Variants in GABRG3 observed in about 807,000 individuals in gnomAD.
GABRG3 encodes gamma-aminobutyric acid type A receptor subunit gamma3, also known as gamma-aminobutyric acid receptor subunit gamma-3.
In GABRG3, 25 loss-of-function variants were observed where a neutral mutation model predicts 48.8. The ratio of observed to expected loss-of-function variants is 0.51; its 90% CI spans 0.37 to 0.72. GABRG3 has a LOEUF of 0.72. Among genes scored for constraint, GABRG3 ranks in the 30% least tolerant of loss-of-function variants. The pLI is 0.00. For missense variants in GABRG3, 394 were observed against 577.9 expected, an observed-to-expected ratio of 0.68 and a Z score of 3.26; for synonymous variants, 227 against 217.6, an observed-to-expected ratio of 1.04 and a Z score of -0.38.
chr15:27,119,810 C>T (rs1005764796), intron 3 of GABRG3, among the ~76,000 whole-genome samples: 1 of 152,228 alleles, frequency 6.6e-6, no homozygotes, highest in African/African-American at 2.4e-5. Context: ...TCCAAGAAGC[C>T]ATCTCCATTT....
At chr15:27,231,283 T>C (rs1889790849) in intron 3 of GABRG3, among the ~76,000 whole-genome samples, 1 of 152,232 alleles carries the variant, frequency 6.6e-6, no homozygotes, top group East Asian at 1.9e-4. Context: ...GTTCTATATG[T>C]TCAGTGCCAT....
intron 5 of GABRG3, among the ~76,000 whole-genome samples, chr15:27,346,354 G>C (rs1381246643): frequency 2.6e-5 from 4 of 152,086 alleles, no homozygotes; most frequent in African/African-American, 9.7e-5. Flanking sequence ...TTCCAAAATT[G>C]ACTGTTTTGG....
At chr15:27,411,469 A>T (rs374334547) in intron 5 of GABRG3, among the ~76,000 whole-genome samples, 1 of 152,154 alleles carries the variant, frequency 6.6e-6, no homozygotes, top group Non-Finnish European at 1.5e-5. Context: ...TAAAATATTT[A>T]ATACCCCATA....
chr15:27,498,964 CTG>C (rs948557116), intron 6 of GABRG3, among the ~76,000 whole-genome samples: 1 of 152,186 alleles, frequency 6.6e-6, no homozygotes, highest in Non-Finnish European at 1.5e-5. Flanking sequence ...ATCACCTTTT[CTG>C]TGATGTGGCT....
intron 3 of GABRG3, among the ~76,000 whole-genome samples, chr15:27,318,102 C>G (rs1343886515): frequency 6.6e-6 from 1 of 152,168 alleles, no homozygotes; most frequent in East Asian, 1.9e-4. Context: ...AGTAAACCAG[C>G]CCCATTCTAA....
At chr15:27,380,195 T>C (rs2140563298) in intron 5 of GABRG3, among the ~76,000 whole-genome samples, 1 of 152,318 alleles carries the variant, frequency 6.6e-6, no homozygotes, top group Middle Eastern at 3.4e-3. Flanking sequence ...TTTTCCATTT[T>C]TGATGCAGTA....
intron 3 of GABRG3, among the ~76,000 whole-genome samples, chr15:27,231,209 T>C (rs1274606545): frequency 2.0e-5 from 3 of 152,324 alleles, no homozygotes; most frequent in East Asian, 3.9e-4. Flanking sequence ...CAAGAACTTA[T>C]AAAGTTGCCT....
At chr15:27,387,131 A>T (rs571929367) in intron 5 of GABRG3, among the ~76,000 whole-genome samples, 1 of 152,094 alleles carries the variant, frequency 6.6e-6, no homozygotes, top group Non-Finnish European at 1.5e-5. Context: ...TGACTGTACA[A>T]TATATTAACT....
chr15:27,344,026 T>C (rs1216078946), intron 5 of GABRG3, among the ~76,000 whole-genome samples: 5 of 152,218 alleles, frequency 3.3e-5, no homozygotes, highest in African/African-American at 1.2e-4. Flanking sequence ...GCAGAGACTA[T>C]GGCTTTGAGG....
At chr15:27,003,996 C>T (rs1411893825) in intron 2 of GABRG3, among the ~76,000 whole-genome samples, 2 of 149,082 alleles carry the variant, frequency 1.3e-5, no homozygotes, top group African/African-American at 4.9e-5. Context: ...CCCCCACCTC[C>T]CTCCCGGACG....
At chr15:27,472,195 T>C (rs919822624) in intron 5 of GABRG3, among the ~76,000 whole-genome samples, 2 of 152,198 alleles carry the variant, frequency 1.3e-5, no homozygotes, top group African/African-American at 4.8e-5. Flanking sequence ...GGGTATTTTA[T>C]GATAATTTAG....
At chr15:27,243,852 GT>G (rs1200874855) in intron 3 of GABRG3, among the ~76,000 whole-genome samples, 1 of 152,154 alleles carries the variant, frequency 6.6e-6, no homozygotes, top group Non-Finnish European at 1.5e-5. Context: ...GTAAATGGAA[GT>G]TTTTTTCAAC....
intron 5 of GABRG3, among the ~76,000 whole-genome samples, chr15:27,353,423 T>TATTTATTTA (rs1275876666): frequency 2.7e-5 from 4 of 148,624 alleles, no homozygotes; most frequent in African/African-American, 7.7e-5. Flanking sequence ...GTTTTCTTTC[T>TATTTATTTA]TTCTATTTAT....
chr15:27,435,791 T>C (rs1888592516), intron 5 of GABRG3, among the ~76,000 whole-genome samples: 1 of 152,180 alleles, frequency 6.6e-6, no homozygotes, highest in Non-Finnish European at 1.5e-5. Flanking sequence ...CTATGTCCAT[T>C]AGCCATTCTT....
At chr15:27,150,386 T>C (rs1264187802) in intron 3 of GABRG3, among the ~76,000 whole-genome samples, 4 of 152,196 alleles carry the variant, frequency 2.6e-5, no homozygotes, top group African/African-American at 4.8e-5. Flanking sequence ...AAAATGCATG[T>C]ATACTATAAA....
chr15:27,449,747 T>C, intron 5 of GABRG3, among the ~76,000 whole-genome samples: 1 of 152,214 alleles, frequency 6.6e-6, no homozygotes, highest in Admixed American at 6.5e-5. Context: ...AGGCTGACTC[T>C]AAAAATATTA....
In GABRG3 at chr15:27,236,944, G is replaced by A. The variant is rs754681399; in HGVS notation, c.271-89865G>A. ...ACCCCTCCCTTGGAGGACTTGCTCT[G>A]GGCTTGTGCTGGAGGTTATGCTTCC... On this transcript the variant is annotated intron_variant, in intron 3 of 9. Coordinates refer to ENST00000615808, the MANE Select transcript of GABRG3 (RefSeq NM_033223.5). The surrounding 1 kb of genome is among the most constrained non-coding windows in gnomAD (Gnocchi z 4.4). Among the ~76,000 whole-genome samples the A allele has an allele frequency of 6.6e-6, 1 of 152,166 alleles. No individual in the cohort carries two copies. Among genetic ancestry groups the A allele is most frequent in the Non-Finnish European group, 1.5e-5 (1 of 68,040 alleles).
At chr15:27,121,742 C>A (rs2140376760) in intron 3 of GABRG3, among the ~76,000 whole-genome samples, 1 of 152,294 alleles carries the variant, frequency 6.6e-6, no homozygotes, top group Middle Eastern at 3.4e-3. Flanking sequence ...TTATACATAA[C>A]CTTAAAAGGT....
chr15:27,510,900 TA>T (rs1312713653), intron 6 of GABRG3, among the ~76,000 whole-genome samples: 1 of 150,398 alleles, frequency 6.6e-6, no homozygotes, highest in African/African-American at 2.5e-5. Context: ...ATACTTTAAA[TA>T]TTTTTTTCTT....
Sources: gnomAD v4.1 joint callset for allele counts (sites outside exome capture counted in the v4.1 genomes callset) on GRCh38, gnomAD v4.1.1 for gene constraint, Gnocchi (gnomAD v3.1) non-coding constraint, MANE v1.5 for transcripts, NCBI Gene and HGNC (gene_info 2026-07-23, HGNC 2026-07-21) for gene names.